The following PALS2 variants were observed in gnomAD, a reference collection of about 807,000 sequenced individuals.
PALS2 encodes the protein protein PALS2.
A neutral mutation model predicts 61.6 loss-of-function variants in PALS2; 27 were observed. The observed-to-expected ratio is 0.44, with a 90% CI of 0.32 to 0.60. PALS2 has a LOEUF of 0.60. Ranked by LOEUF, PALS2 falls within the 20% of genes least tolerant of loss-of-function variation. The pLI is 0.05. For synonymous variants in PALS2, 236 were observed against 218.6 expected (o/e 1.08, Z -0.70); for missense variants, 554 against 639.4 (o/e 0.87, Z 1.44).
chr7:24,663,816 G>T, intron 6 of PALS2, 95 bp downstream of exon 6: 1 of 1,411,920 alleles, frequency 7.1e-7, no homozygotes, highest in Non-Finnish European at 9.7e-7. Flanking sequence ...ATTAGCATTT[G>T]TTACAATGAT....
At chr7:24,582,695 A>T (rs1362428138) in intron 1 of PALS2, among the ~76,000 whole-genome samples, 1 of 152,014 alleles carries the variant, frequency 6.6e-6, no homozygotes. Context: ...ACATAAATAA[A>T]AAATTATTTG....
rs1274329385 is a variant in PALS2 at position 24,691,405 on chromosome 7, G to GTGTGTGTATATATA, written c.*3792_*3793insGTGTGTATATATAT. ...ATATTATGTATGTGTGTGTGTGTGT[G>GTGTGTGTATATATA]TATATATATATATATATATATATAT... is the stretch of plus-strand genomic sequence containing the variant. On this transcript the variant is annotated 3_prime_UTR_variant, in exon 12 of 12. Transcript: ENST00000222644. The GTGTGTGTATATATA allele has an allele frequency of 1.3e-4, 14 of 110,584 alleles. No homozygotes were observed. The highest frequency in any genetic ancestry group is 1.1e-3 in the Admixed American group (11 of 9,888). The allele number at this position is 110,584 out of a possible 1,614,324, so 6.9% of individuals were successfully genotyped here. A position where few individuals can be genotyped will look rare whatever the true frequency, so the allele number is the denominator to read the frequency against.
At chr7:24,630,159 G>T (rs1306360420) in intron 2 of PALS2, among the ~76,000 whole-genome samples, 1 of 152,172 alleles carries the variant, frequency 6.6e-6, no homozygotes, top group South Asian at 2.1e-4. Flanking sequence ...AAAAAATGAT[G>T]AGTTCACGTC....
intron 2 of PALS2, among the ~76,000 whole-genome samples, chr7:24,626,325 TAAC>T (rs1784741134): frequency 6.6e-6 from 1 of 152,032 alleles, no homozygotes; most frequent in Non-Finnish European, 1.5e-5. Context: ...GAAAAAAAGA[TAAC>T]AATATGTGAA....
rs1782535832 is a variant in PALS2 at position 24,573,671 on chromosome 7, C to T, written c.-3+78C>T. On this transcript the variant is annotated intron_variant, in intron 1 of 11. Transcript: ENST00000222644. The surrounding 1 kb of genome is among the most constrained non-coding windows in gnomAD (Gnocchi z 5.3). ...GGCCGGCCGGGGGCGCCCTGTTGCT[C>T]GGCGCGGCGCGCCACGCGGGGACCC... is the stretch of plus-strand genomic sequence containing the variant. The T allele has an allele frequency of 3.8e-5, 8 of 208,252 alleles. No homozygotes were observed. The highest frequency in any genetic ancestry group is 1.6e-3 in the Middle Eastern group (1 of 618). 12.9% of individuals were successfully genotyped at this position (208,252 alleles called of 1,614,324 possible). A position where few individuals can be genotyped will look rare whatever the true frequency, so the allele number is the denominator to read the frequency against.
chr7:24,575,108 T>G (rs1782596185), intron 1 of PALS2, among the ~76,000 whole-genome samples: 1 of 152,220 alleles, frequency 6.6e-6, no homozygotes, highest in South Asian at 2.1e-4. Context: ...GGTCCATGTT[T>G]CCTTCATTCT....
At chr7:24,643,418 A>G (rs1785666545) in intron 3 of PALS2, among the ~76,000 whole-genome samples, 1 of 152,030 alleles carries the variant, frequency 6.6e-6, no homozygotes, top group Non-Finnish European at 1.5e-5. Context: ...ATTCATCCAT[A>G]TTTTTCTATG....
intron 5 of PALS2, among the ~76,000 whole-genome samples, chr7:24,662,318 G>C (rs558634806): frequency 6.6e-6 from 1 of 152,122 alleles, no homozygotes; most frequent in East Asian, 1.9e-4. Context: ...AATTTTGTTG[G>C]TTACAGAAGT....
intron 2 of PALS2, among the ~76,000 whole-genome samples, chr7:24,628,410 C>T (rs1057353688): frequency 6.6e-6 from 1 of 152,122 alleles, no homozygotes; most frequent in African/African-American, 2.4e-5. Flanking sequence ...CAATATCATA[C>T]TGAATGGGCA....
At chr7:24,635,750 C>T (rs1163064143) in intron 2 of PALS2, among the ~76,000 whole-genome samples, 1 of 152,060 alleles carries the variant, frequency 6.6e-6, no homozygotes, top group African/African-American at 2.4e-5. Context: ...CAACTTTATT[C>T]TTTGTAAATG....
At chr7:24,629,479 T>G (rs1324430072) in intron 2 of PALS2, among the ~76,000 whole-genome samples, 1 of 152,084 alleles carries the variant, frequency 6.6e-6, no homozygotes, top group East Asian at 1.9e-4. Flanking sequence ...AAAGCCAAAA[T>G]TGACAAATGG....
chr7:24,585,960 CT>C (rs1432201829), intron 1 of PALS2, among the ~76,000 whole-genome samples: 2 of 152,194 alleles, frequency 1.3e-5, no homozygotes, highest in Non-Finnish European at 2.9e-5. Context: ...GGAGTTCCCT[CT>C]TTTGCAAATT....
At chr7:24,599,382 C>T (rs1274238131) in intron 1 of PALS2, among the ~76,000 whole-genome samples, 1 of 151,898 alleles carries the variant, frequency 6.6e-6, no homozygotes, top group East Asian at 1.9e-4. Context: ...TTAAATTAAC[C>T]TTATCTTACT....
chr7:24,683,974 C>G lies in PALS2; in HGVS notation c.1446+3454C>G, dbSNP rs547675454. Among the ~76,000 whole-genome samples the G allele has an allele frequency of 4.1e-4, 62 of 152,262 alleles. No individual in the cohort carries two copies. In the South Asian group the frequency reaches 0.013, roughly 32 times the overall value. On this transcript the variant is annotated intron_variant, in intron 11 of 11. Transcript: ENST00000222644. ...TGCTCATTTGCTTTATTCTACAGTA[C>G]AAACACAACATTCTGGGAATAAGTA...
At chr7:24,577,271 C>CTT (rs59851624) in intron 1 of PALS2, among the ~76,000 whole-genome samples, 49 of 131,332 alleles carry the variant, frequency 3.7e-4, no homozygotes, top group Middle Eastern at 4.1e-3. Flanking sequence ...TCCTTTTTTC[C>CTT]TTTTTTTTTT....
intron 1 of PALS2, among the ~76,000 whole-genome samples, chr7:24,576,435 T>C (rs1391679908): frequency 2.0e-5 from 3 of 152,158 alleles, no homozygotes; most frequent in African/African-American, 7.2e-5. Context: ...AACTGCTGGG[T>C]AGTGTGCTGA....
chr7:24,659,707 C>T (rs775474252), intron 5 of PALS2, among the ~76,000 whole-genome samples: 7 of 152,098 alleles, frequency 4.6e-5, no homozygotes, highest in East Asian at 3.8e-4. Context: ...TATTCTTGAC[C>T]GTATACAACT....
intron 1 of PALS2, chr7:24,574,270 G>C (rs1351461490): frequency 6.6e-6 from 1 of 152,282 alleles, no homozygotes. Flanking sequence ...TCGTGCTCGC[G>C]GATTCTCGGT....
intron 1 of PALS2, among the ~76,000 whole-genome samples, chr7:24,591,657 A>G (rs1465634412): frequency 1.3e-5 from 2 of 152,174 alleles, no homozygotes; most frequent in Admixed American, 6.6e-5. Context: ...ATGCAGAATT[A>G]TCAAATGCTG....
Sources: allele counts gnomAD v4.1 joint callset (sites outside exome capture counted in the v4.1 genomes callset), GRCh38; gene constraint gnomAD v4.1.1; non-coding constraint Gnocchi (gnomAD v3.1); transcripts MANE v1.5; gene names NCBI Gene and HGNC (gene_info 2026-07-23, HGNC 2026-07-21).